Variants in PHLPP2 observed in about 807,000 individuals in gnomAD.
PHLPP2 encodes PH domain and leucine rich repeat protein phosphatase 2.
Under a neutral mutation model 124.9 loss-of-function variants are expected in PHLPP2, and 66 were observed. The observed-to-expected ratio is 0.53, with a 90% CI of 0.43 to 0.65. The LOEUF (loss-of-function observed/expected upper bound fraction) is 0.65, where lower values mean the gene tolerates loss of function less well. Ranked by LOEUF, PHLPP2 falls within the 30% of genes least tolerant of loss-of-function variation. The probability of loss-of-function intolerance (pLI) is 0.00; values close to 1 mark genes in which losing one functional copy is unlikely to be tolerated. For missense variants in PHLPP2, 1,685 were observed against 1,600.4 expected (o/e 1.05, Z -0.90); for synonymous variants, 681 against 624.7 (o/e 1.09, Z -1.34).
At chr16:71,723,916 G>A (rs2045416111) in intron 1 of PHLPP2, 2 of 753,490 alleles carry the variant, frequency 2.7e-6, no homozygotes, top group Non-Finnish European at 3.4e-6. Flanking sequence ...ACGGCGTGCG[G>A]AGCCTCGGCG....
rs143173463 is a variant in PHLPP2, at chr16:71,700,001, C to A, written c.418+2597G>T. Among the ~76,000 whole-genome samples the A allele has an allele frequency of 1.0e-3, 153 of 152,352 alleles. 2 individuals carry two copies. In the East Asian group the frequency reaches 0.025, roughly 25 times the overall value. On this transcript the variant is annotated intron_variant, in intron 3 of 18. Transcript: ENST00000568954. Reference sequence around the variant, plus strand: ...GCCAGTTCACGCACTCATTCACCTGCGCATTCCCTCCCACAAGGGGTTGAG... The same window carrying A: ...GCCAGTTCACGCACTCATTCACCTGAGCATTCCCTCCCACAAGGGGTTGAG...
Position 71,671,977 on chromosome 16 carries a change from G to A in PHLPP2, c.1532+285C>T, listed in dbSNP as rs193045674. On this transcript the variant is annotated intron_variant, in intron 10 of 18. Coordinates refer to ENST00000568954, the MANE Select transcript of PHLPP2 (RefSeq NM_015020.3). ...ATTATCTGATTCCAACTGACAAAAC[G>A]GGAATCAGTGCCTTGAAGATAACAG... is the stretch of plus-strand genomic sequence containing the variant. 3.2e-4 allele frequency among the ~76,000 whole-genome samples: 48 copies of A among 152,160 alleles called. No homozygotes were observed. In the East Asian group the frequency reaches 7.7e-3, roughly 25 times the overall value.
In PHLPP2 at chr16:71,676,570, G is replaced by A. The variant is rs575871196; in HGVS notation, c.1348C>T (p.Arg450Ter). Reference sequence around the variant, plus strand: ...GAGCTAAGATCCAAGTCAGTCAGTCGGTTGTCCCGCAGATCCACGTGGGTG... The same window carrying A: ...GAGCTAAGATCCAAGTCAGTCAGTCAGTTGTCCCGCAGATCCACGTGGGTG... Reference protein sequence around the residue: ...HITHVDLRDNRLTDLDLSSLC... With the variant: ...HITHVDLRDN Residue 450 changes from arginine to a stop codon, truncating the protein, a stop_gained, in exon 9 of 19, where the codon CGA becomes TGA. Coordinates refer to ENST00000568954, the MANE Select transcript of PHLPP2 (RefSeq NM_015020.3). LOFTEE classifies it high-confidence loss of function. The A allele has an allele frequency of 1.2e-5, 19 of 1,613,948 alleles. No individual in the cohort carries two copies. The highest frequency in any genetic ancestry group is 2.7e-5 in the African/African-American group (2 of 75,052).
chr16:71,698,721 A>T lies in PHLPP2; in HGVS notation c.418+3877T>A, dbSNP rs532473853. ...CTGCAGAGGATTTACATGCTCTCTT[A>T]ATCCCATGATTAATCATGCTACCTA... On this transcript the variant is annotated intron_variant, in intron 3 of 18. Coordinates refer to ENST00000568954, the MANE Select transcript of PHLPP2 (RefSeq NM_015020.3). The T allele has an allele frequency of 1.0e-4, 35 of 345,086 alleles. 1 individual carries two copies. The highest frequency in any genetic ancestry group is 7.0e-4 in the African/African-American group (33 of 46,956). The allele number at this position is 345,086 out of a possible 1,614,324, so 21.4% of individuals were successfully genotyped here. A position where few individuals can be genotyped will look rare whatever the true frequency, so the allele number is the denominator to read the frequency against.
At chr16:71,720,325 C>G (rs1003341051) in intron 1 of PHLPP2, among the ~76,000 whole-genome samples, 1 of 151,394 alleles carries the variant, frequency 6.6e-6, no homozygotes, top group African/African-American at 2.4e-5. Context: ...ACTATGTTGG[C>G]CAGGCTGGTC....
chr16:71,690,430 G>GAT (rs2045098849), intron 4 of PHLPP2, 89 bp downstream of exon 4: 1 of 924,792 alleles, frequency 1.1e-6, no homozygotes. Context: ...TCTTTGAAAA[G>GAT]ATATGACTAA....
chr16:71,667,352 A>T lies in PHLPP2; in HGVS notation c.1629-19T>A, dbSNP rs773908977. ...CAGAATTCTAAGGGGGGAGCATACAAACAAACACATTAAAAACTTACTTAA... is the reference window on the plus strand; with the variant it reads ...CAGAATTCTAAGGGGGGAGCATACATACAAACACATTAAAAACTTACTTAA... On this transcript the variant is annotated intron_variant, in intron 11 of 18. Transcript: ENST00000568954. The T allele has an allele frequency of 1.9e-5, 30 of 1,591,212 alleles. No homozygotes were observed. Among genetic ancestry groups the T allele is most frequent in the African/African-American group, 2.7e-5 (2 of 74,322 alleles).
At chr16:71,689,718 T>G (rs1182415897) in intron 4 of PHLPP2, among the ~76,000 whole-genome samples, 1 of 151,914 alleles carries the variant, frequency 6.6e-6, no homozygotes, top group East Asian at 1.9e-4. Context: ...CTTGCTAATG[T>G]TGCTCAGGCT....
At chr16:71,694,370 A>T (rs1331278413) in intron 3 of PHLPP2, among the ~76,000 whole-genome samples, 2 of 152,052 alleles carry the variant, frequency 1.3e-5, no homozygotes, top group African/African-American at 2.4e-5. Flanking sequence ...CTGAGGCAGG[A>T]GAATTGCTTG....
chr16:71,655,933 T>C (rs2044738888), intron 16 of PHLPP2, among the ~76,000 whole-genome samples: 1 of 152,202 alleles, frequency 6.6e-6, no homozygotes, highest in African/African-American at 2.4e-5. Context: ...GGGGAAACAG[T>C]CGCATTCATG....
rs768054817 is a variant in PHLPP2, at chr16:71,714,537, A to C, written c.259T>G (p.Leu87Val). Residue 87 changes from leucine (L) to valine (V), a missense_variant, in exon 2 of 19, where the codon TTA becomes GTA. Leu to Val is a conservative substitution (Grantham distance 32, BLOSUM62 1). Coordinates refer to ENST00000568954, the MANE Select transcript of PHLPP2 (RefSeq NM_015020.3). ...CAGEGRESLY[L>V]QLHGDLVRRL... ...CTGACCAGGTCTCCATGAAGCTGTA[A>C]ATAAAGACTTTCTCTTCCCTCTCCA... The C allele has an allele frequency of 3.0e-5, 49 of 1,612,754 alleles. No homozygotes were observed. The East Asian group carries it at 1.1e-3, about 36-fold the overall frequency.
chr16:71,704,668 T>C (rs2045260762), intron 2 of PHLPP2, among the ~76,000 whole-genome samples: 1 of 152,118 alleles, frequency 6.6e-6, no homozygotes, highest in South Asian at 2.1e-4. Flanking sequence ...TAACGACCAA[T>C]AAAGATTGAA....
chr16:71,672,162 T>A (rs1287608493), intron 10 of PHLPP2, 100 bp downstream of exon 10: 15 of 803,878 alleles, frequency 1.9e-5, no homozygotes, highest in Non-Finnish European at 2.9e-5. Flanking sequence ...TCCAAGTATT[T>A]CAAAATACTT....
rs200257805 is a variant in PHLPP2, at chr16:71,672,579, G to A, written c.1472-257C>T. 4.3e-3 allele frequency among the ~76,000 whole-genome samples: 655 copies of A among 152,328 alleles called. 11 individuals carry two copies. Among genetic ancestry groups the A allele is most frequent in the African/African-American group, 0.015 (635 of 41,558 alleles). On this transcript the variant is annotated intron_variant, in intron 9 of 18. Transcript: ENST00000568954. ...ATACAATATTAAGCAGTAGTTAAATGTTAACAGTAACTACTTAGCTTTTTA... is the reference window on the plus strand; with the variant it reads ...ATACAATATTAAGCAGTAGTTAAATATTAACAGTAACTACTTAGCTTTTTA...
chr16:71,722,364 G>T (rs1465382056), intron 1 of PHLPP2, among the ~76,000 whole-genome samples: 1 of 152,112 alleles, frequency 6.6e-6, no homozygotes, highest in Non-Finnish European at 1.5e-5. Context: ...AACCCTGGAG[G>T]CAGAGGTTGC....
chr16:71,672,674 G>C (rs974431584), intron 9 of PHLPP2, among the ~76,000 whole-genome samples: 2 of 152,152 alleles, frequency 1.3e-5, no homozygotes, highest in African/African-American at 4.8e-5. Flanking sequence ...CAAAAATACA[G>C]AAGAGTGCAA....
At position 71,657,684 on chromosome 16, in the gene PHLPP2, G is replaced by A. The variant is rs545882999; in HGVS notation, c.2279+549C>T. Among the ~76,000 whole-genome samples, 5 of 152,200 alleles carry A rather than the reference G, an allele frequency of 3.3e-5. No homozygotes were observed. In the East Asian group the frequency reaches 5.8e-4, roughly 18 times the overall value. On this transcript the variant is annotated intron_variant, in intron 15 of 18. Transcript: ENST00000568954. Reference sequence around the variant, plus strand: ...GCTGGGATTACAGGCGTGAGCCACCGCACACGGCCAATAATATTATCTTTT... The same window carrying A: ...GCTGGGATTACAGGCGTGAGCCACCACACACGGCCAATAATATTATCTTTT...
At chr16:71,704,307 C>CAAAAAAAAA (rs56882820) in intron 2 of PHLPP2, among the ~76,000 whole-genome samples, 2 of 98,746 alleles carry the variant, frequency 2.0e-5, no homozygotes, top group African/African-American at 8.3e-5. Flanking sequence ...GACTCTGTCT[C>CAAAAAAAAA]AAAAAAAAAA....
In PHLPP2 at chr16:71,697,584, T is replaced by C. The variant is rs150592388; in HGVS notation, c.418+5014A>G. ...TCTGAACTTTAAATGAATGGAAATA[T>C]ACGATGTAATTCTTTTGCGTCTGGC... On this transcript the variant is annotated intron_variant, in intron 3 of 18. Coordinates refer to ENST00000568954, the MANE Select transcript of PHLPP2 (RefSeq NM_015020.3). Among the ~76,000 whole-genome samples, 773 of 152,324 alleles carry C rather than the reference T, an allele frequency of 5.1e-3. 19 individuals are homozygous for C. The highest frequency in any genetic ancestry group is 0.047 in the Admixed American group (716 of 15,292).
Sources: allele counts gnomAD v4.1 joint callset (sites outside exome capture counted in the v4.1 genomes callset), GRCh38; gene constraint gnomAD v4.1.1; transcripts MANE v1.5; gene names NCBI Gene and HGNC (gene_info 2026-07-23, HGNC 2026-07-21).